CHL1: variants seen among roughly 807,000 people sequenced by gnomAD.
CHL1 encodes neural cell adhesion molecule L1-like protein.
Under a neutral mutation model 141.9 loss-of-function variants are expected in CHL1, and 96 were observed. The observed-to-expected ratio is 0.68, with a 90% confidence interval of 0.57 to 0.80. The LOEUF is 0.80. CHL1 is among the 30% of genes least tolerant of loss of function. The pLI is 0.00. For synonymous variants in CHL1, 613 were observed against 502.2 expected (o/e 1.22, Z -2.95); for missense variants, 1,820 against 1,457.2 (o/e 1.25, Z -4.05).
intron 15 of CHL1, among the ~76,000 whole-genome samples, 162 bp from the exon 16 acceptor site, chr3:377,656 C>T (rs547066135): frequency 1.3e-5 from 2 of 152,254 alleles, no homozygotes; most frequent in African/African-American, 4.8e-5. Flanking sequence ...TTCTTTATCT[C>T]CAGGTTTCAA....
intron 2 of CHL1, 92 bp from the exon 3 acceptor site, chr3:319,591 C>CAAAA (rs35995557): frequency 3.5e-4 from 106 of 304,272 alleles, no homozygotes; most frequent in South Asian, 8.4e-4. Context: ...ACTGCCAAAC[C>CAAAA]AAAAAAAAAA....
intron 4 of CHL1, 24 bp from the exon 5 acceptor site, chr3:328,143 A>G: frequency 1.9e-6 from 3 of 1,571,790 alleles, no homozygotes; most frequent in East Asian, 2.3e-5. Context: ...TTTCAGGATT[A>G]TTAAGTTCAG....
chr3:309,531 C>T (rs1364766206), intron 2 of CHL1, among the ~76,000 whole-genome samples: 1 of 150,926 alleles, frequency 6.6e-6, no homozygotes, highest in Non-Finnish European at 1.5e-5. Flanking sequence ...TTCCTTCCTT[C>T]CTTCCTTTTT....
At chr3:328,385 AAGTGTTTT>A (rs755482723) in intron 5 of CHL1, 31 bp downstream of exon 5, 3 of 1,558,414 alleles carry the variant, frequency 1.9e-6, no homozygotes, top group Non-Finnish European at 2.6e-6. Flanking sequence ...TTCATTTTAC[AAGTGTTTT>A]AGTGAAGTGT....
In CHL1 at chr3:312,180, A is replaced by T. The variant is rs141280624; in HGVS notation, c.-94-7503A>T. On this transcript the variant is annotated intron_variant, in intron 2 of 27. Coordinates refer to ENST00000256509, the MANE Select transcript of CHL1 (RefSeq NM_006614.4). ...TAATGATATTAGTTTATCCCACATC[A>T]TTATTAACTAAAGCTGACATTTTCC... Among the ~76,000 whole-genome samples, 361 of 152,322 alleles carry T rather than the reference A, an allele frequency of 2.4e-3. 2 individuals carry two copies. The highest frequency in any genetic ancestry group is 8.0e-3 in the African/African-American group (333 of 41,572).
At chr3:393,921 A>G (rs756087592) in intron 23 of CHL1, among the ~76,000 whole-genome samples, 3 of 152,132 alleles carry the variant, frequency 2.0e-5, no homozygotes, top group Admixed American at 6.5e-5. Context: ...TTTAACCTCT[A>G]TGGTATCTTG....
chr3:385,844 A>G (rs1707643343), intron 19 of CHL1: 1 of 150,242 alleles, frequency 6.7e-6, no homozygotes, highest in Admixed American at 6.6e-5. Flanking sequence ...AAAAAAAAAA[A>G]AGCATTTAAA....
chr3:224,111 T>C (rs1701111847), intron 1 of CHL1, among the ~76,000 whole-genome samples: 1 of 152,052 alleles, frequency 6.6e-6, no homozygotes, highest in African/African-American at 2.4e-5. Flanking sequence ...CCTAATAGAG[T>C]TCAGGCCCCT....
chr3:311,520 T>A (rs1422248721), intron 2 of CHL1, among the ~76,000 whole-genome samples: 1 of 152,052 alleles, frequency 6.6e-6, no homozygotes, highest in Non-Finnish European at 1.5e-5. Flanking sequence ...TGGATGCAAA[T>A]AGCACTGCCC....
chr3:363,185 C>T (rs775567605), intron 13 of CHL1, 32 bp from the exon 14 acceptor site: 2 of 1,588,428 alleles, frequency 1.3e-6, no homozygotes, highest in East Asian at 2.2e-5. Context: ...TTTGCCCTAC[C>T]TCAGATGGAT....
chr3:333,834 G>T (rs2125105989), intron 5 of CHL1, among the ~76,000 whole-genome samples: 1 of 152,300 alleles, frequency 6.6e-6, no homozygotes, highest in Middle Eastern at 3.4e-3. Context: ...ATCCTAATTT[G>T]ACTGTTGAAT....
chr3:383,928 C>A, intron 19 of CHL1, 42 bp downstream of exon 19: 1 of 1,387,750 alleles, frequency 7.2e-7, no homozygotes, highest in Non-Finnish European at 1.0e-6. Context: ...TTGTGCTTTT[C>A]TCTTCCTCTT....
intron 1 of CHL1, among the ~76,000 whole-genome samples, chr3:232,918 A>T (rs1401875740): frequency 6.6e-6 from 1 of 152,142 alleles, no homozygotes; most frequent in Non-Finnish European, 1.5e-5. Context: ...TATAAAAGAA[A>T]CCAGGGAGCA....
chr3:250,125 C>A (rs1000661602), intron 2 of CHL1, among the ~76,000 whole-genome samples: 8 of 152,090 alleles, frequency 5.3e-5, no homozygotes, highest in Admixed American at 3.3e-4. Flanking sequence ...CATCACCACA[C>A]CTGGCTAATT....
chr3:239,363 G>T (rs941818032), intron 1 of CHL1, among the ~76,000 whole-genome samples: 1 of 152,092 alleles, frequency 6.6e-6, no homozygotes, highest in Non-Finnish European at 1.5e-5. Flanking sequence ...GCTTACGATC[G>T]CACAACAAGT....
At chr3:358,973 TTA>T (rs61074463) in intron 11 of CHL1, among the ~76,000 whole-genome samples, 100 of 146,396 alleles carry the variant, frequency 6.8e-4, no homozygotes, top group Non-Finnish European at 1.1e-3. Context: ...AAAATATATG[TTA>T]TATATATATA....
At chr3:255,802 C>T (rs1489716578) in intron 2 of CHL1, among the ~76,000 whole-genome samples, 1 of 152,160 alleles carries the variant, frequency 6.6e-6, no homozygotes, top group Non-Finnish European at 1.5e-5. Flanking sequence ...TGGACAGATA[C>T]TCTAACTCAG....
intron 2 of CHL1, among the ~76,000 whole-genome samples, chr3:251,941 A>G (rs1019518056): frequency 2.6e-5 from 4 of 152,106 alleles, no homozygotes; most frequent in African/African-American, 9.7e-5. Flanking sequence ...CCTGTTTAAA[A>G]CAAATTCAGT....
chr3:345,037 A>T (rs1702648880), intron 9 of CHL1, among the ~76,000 whole-genome samples: 1 of 152,094 alleles, frequency 6.6e-6, no homozygotes, highest in African/African-American at 2.4e-5. Context: ...AATAAACATA[A>T]ATTCTGTCAT....
Sources: gnomAD v4.1 joint callset for allele counts (sites outside exome capture counted in the v4.1 genomes callset) on GRCh38, gnomAD v4.1.1 for gene constraint, MANE v1.5 for transcripts, NCBI Gene and HGNC (gene_info 2026-07-23, HGNC 2026-07-21) for gene names.